Variants in MDGA2 observed in about 807,000 individuals in gnomAD.
MDGA2 encodes MAM domain-containing glycosylphosphatidylinositol anchor protein 2.
In MDGA2, 40 loss-of-function variants were observed where a neutral mutation model predicts 117.8. The ratio of observed to expected loss-of-function variants is 0.34; its 90% CI spans 0.26 to 0.44. The LOEUF is 0.44. Ranked by LOEUF, MDGA2 falls within the 20% of genes least tolerant of loss-of-function variation. The pLI, the probability that MDGA2 is intolerant of heterozygous loss-of-function variation, is 1.00. For synonymous variants in MDGA2, 452 were observed against 439.0 expected, an observed-to-expected ratio of 1.03 and a Z score of -0.37; for missense variants, 1,123 against 1,250.6, an observed-to-expected ratio of 0.90 and a Z score of 1.54.
chr14:46,904,307 G>T (rs1043851344), intron 10 of MDGA2, among the ~76,000 whole-genome samples: 2 of 151,144 alleles, frequency 1.3e-5, no homozygotes, highest in African/African-American at 4.9e-5. Flanking sequence ...GAAAGGCAGA[G>T]GTTGCAGTGA....
intron 5 of MDGA2, among the ~76,000 whole-genome samples, chr14:47,122,153 C>T (rs183551372): frequency 6.6e-6 from 1 of 151,980 alleles, no homozygotes; most frequent in African/African-American, 2.4e-5. Flanking sequence ...CTATTCCCAT[C>T]ATTATGTTAC....
intron 1 of MDGA2, among the ~76,000 whole-genome samples, chr14:47,378,772 A>G (rs1891539738): frequency 6.6e-6 from 1 of 152,226 alleles, no homozygotes; most frequent in Non-Finnish European, 1.5e-5. Context: ...AAGAGAATGG[A>G]ACCAAGTTGG....
intron 1 of MDGA2, among the ~76,000 whole-genome samples, chr14:47,646,797 AT>A (rs1897543739): frequency 6.6e-6 from 1 of 152,236 alleles, no homozygotes; most frequent in African/African-American, 2.4e-5. Context: ...GATCAGAGCC[AT>A]TTTATGTAAA....
At chr14:47,562,138 G>A (rs1385172851) in intron 1 of MDGA2, among the ~76,000 whole-genome samples, 1 of 152,160 alleles carries the variant, frequency 6.6e-6, no homozygotes, top group Admixed American at 6.5e-5. Context: ...GTAGTATTTT[G>A]TTGAGGGTTT....
At chr14:46,949,601 A>T (rs1885296453) in intron 9 of MDGA2, among the ~76,000 whole-genome samples, 1 of 151,960 alleles carries the variant, frequency 6.6e-6, no homozygotes, top group Admixed American at 6.6e-5. Flanking sequence ...AGATGAGAAC[A>T]CTGAGTTTTG....
intron 1 of MDGA2, among the ~76,000 whole-genome samples, chr14:47,641,548 G>A (rs1897424507): frequency 6.6e-6 from 1 of 152,050 alleles, no homozygotes; most frequent in Non-Finnish European, 1.5e-5. Flanking sequence ...AAAAGAAACA[G>A]CATTTGAATA....
chr14:47,588,436 T>G (rs1896373830), intron 1 of MDGA2, among the ~76,000 whole-genome samples: 1 of 151,836 alleles, frequency 6.6e-6, no homozygotes, highest in Non-Finnish European at 1.5e-5. Flanking sequence ...TTCATCATTT[T>G]CATTACAGTC....
intron 2 of MDGA2, among the ~76,000 whole-genome samples, chr14:47,236,929 T>A (rs1299338598): frequency 6.6e-6 from 1 of 152,094 alleles, no homozygotes; most frequent in African/African-American, 2.4e-5. Context: ...CAATTTAATA[T>A]CTCCCTCTGA....
At position 47,459,306 on chromosome 14, in the gene MDGA2, A is replaced by C. The variant is rs553282904; in HGVS notation, c.281-157756T>G. 2.0e-4 allele frequency among the ~76,000 whole-genome samples: 31 copies of C among 152,232 alleles called. 2 individuals are homozygous for C. The South Asian group carries it at 5.8e-3, about 29-fold the overall frequency. On this transcript the variant is annotated intron_variant, in intron 1 of 16. Coordinates refer to ENST00000399232, the MANE Select transcript of MDGA2 (RefSeq NM_001113498.3). ...AAGACAGTGGCCTGGTTTTCTCCAT[A>C]GTACAGGTCCTGCATCCCCAAGAAT...
intron 1 of MDGA2, among the ~76,000 whole-genome samples, chr14:47,658,380 C>T (rs1468596142): frequency 1.3e-5 from 2 of 152,112 alleles, no homozygotes; most frequent in Non-Finnish European, 2.9e-5. Flanking sequence ...GGCCCTTCAG[C>T]TCACTTTGCC....
At chr14:47,272,803 C>A (rs1888189064) in intron 2 of MDGA2, among the ~76,000 whole-genome samples, 1 of 152,146 alleles carries the variant, frequency 6.6e-6, no homozygotes, top group South Asian at 2.1e-4. Flanking sequence ...CCTATTAACA[C>A]CTTTCCATTT....
At chr14:47,130,409 A>C (rs1006799613) in intron 5 of MDGA2, among the ~76,000 whole-genome samples, 3 of 152,154 alleles carry the variant, frequency 2.0e-5, no homozygotes, top group Non-Finnish European at 4.4e-5. Flanking sequence ...TTTAAATCTT[A>C]GCCAAAATCA....
chr14:47,076,010 C>G (rs1450328428), intron 6 of MDGA2, among the ~76,000 whole-genome samples: 1 of 151,778 alleles, frequency 6.6e-6, no homozygotes, highest in Non-Finnish European at 1.5e-5. Flanking sequence ...CGAATACTCA[C>G]AAAAAAACCC....
At chr14:47,338,666 T>C (rs1450222495) in intron 1 of MDGA2, among the ~76,000 whole-genome samples, 1 of 152,026 alleles carries the variant, frequency 6.6e-6, no homozygotes, top group South Asian at 2.1e-4. Context: ...TAGTGGTAGG[T>C]TCATGGACAC....
intron 7 of MDGA2, among the ~76,000 whole-genome samples, chr14:47,044,497 A>G (rs908603776): frequency 6.6e-6 from 1 of 152,176 alleles, no homozygotes; most frequent in African/African-American, 2.4e-5. Flanking sequence ...TATTACTTGC[A>G]GTCCTGTGTG....
chr14:47,323,148 G>GGA (rs1338714075), intron 1 of MDGA2, among the ~76,000 whole-genome samples: 6 of 47,406 alleles, frequency 1.3e-4, no homozygotes, highest in African/African-American at 4.8e-4. Flanking sequence ...AAAGAGTCAT[G>GGA]GATATATATA....
intron 1 of MDGA2, among the ~76,000 whole-genome samples, chr14:47,526,379 C>A (rs1244405817): frequency 6.6e-6 from 1 of 152,052 alleles, no homozygotes; most frequent in South Asian, 2.1e-4. Flanking sequence ...GTACTGATAT[C>A]TTCAGTTAAG....
chr14:47,396,228 A>G (rs914632524), intron 1 of MDGA2, among the ~76,000 whole-genome samples: 2 of 152,152 alleles, frequency 1.3e-5, no homozygotes, highest in African/African-American at 4.8e-5. Flanking sequence ...GGCTTTCATT[A>G]TTATAGTCAC....
chr14:47,230,133 T>C (rs1391801392), intron 2 of MDGA2, among the ~76,000 whole-genome samples: 8 of 152,008 alleles, frequency 5.3e-5, no homozygotes, highest in Non-Finnish European at 7.4e-5. Flanking sequence ...ATTAACAGTA[T>C]TGCAAACACT....
Sources: gnomAD v4.1 joint callset for allele counts (sites outside exome capture counted in the v4.1 genomes callset) on GRCh38, gnomAD v4.1.1 for gene constraint, MANE v1.5 for transcripts, NCBI Gene and HGNC (gene_info 2026-07-23, HGNC 2026-07-21) for gene names.